INSYN2B: variants seen among roughly 807,000 people sequenced by gnomAD.
INSYN2B encodes the protein protein INSYN2B.
A neutral mutation model predicts 41.2 loss-of-function variants in INSYN2B; 16 were observed. The observed-to-expected ratio is 0.39, with a 90% confidence interval of 0.26 to 0.59. The LOEUF is 0.59. Among genes scored for constraint, INSYN2B ranks in the 20% least tolerant of loss-of-function variants. INSYN2B has a pLI of 0.57. For synonymous variants in INSYN2B, 245 were observed against 244.4 expected (o/e 1.00, Z -0.02); for missense variants, 608 against 646.4 (o/e 0.94, Z 0.64).
At chr5:169,934,866 AAAC>A (rs1775918000) in intron 1 of INSYN2B, 1 of 372,718 alleles carries the variant, frequency 2.7e-6, no homozygotes, top group South Asian at 2.0e-5. Flanking sequence ...TACATTGCCA[AAAC>A]AACTTTAACC....
chr5:169,906,551 T>C (rs261044), intron 1 of INSYN2B, among the ~76,000 whole-genome samples: 126,051 of 152,162 alleles, frequency 0.83, 52,484 homozygotes, highest in African/African-American at 0.91. Context: ...AGGCTGGTCT[T>C]AAGTTCCTGG....
chr5:169,959,111 G>T (rs963408274), intron 1 of INSYN2B, among the ~76,000 whole-genome samples: 17 of 152,118 alleles, frequency 1.1e-4, no homozygotes, highest in Non-Finnish European at 2.1e-4. Flanking sequence ...AGCACAAACT[G>T]GCTGGGCATG....
chr5:169,936,926 A>T (rs1776026735), intron 1 of INSYN2B, among the ~76,000 whole-genome samples: 1 of 152,178 alleles, frequency 6.6e-6, no homozygotes, highest in African/African-American at 2.4e-5. Context: ...CTTACAGAAA[A>T]ATCAAACAAA....
intron 1 of INSYN2B, among the ~76,000 whole-genome samples, chr5:169,956,433 A>C (rs1472919752): frequency 6.6e-6 from 1 of 152,212 alleles, no homozygotes; most frequent in African/African-American, 2.4e-5. Flanking sequence ...GTTGTATTAG[A>C]AAGATTACTG....
intron 1 of INSYN2B, among the ~76,000 whole-genome samples, chr5:169,930,960 C>T (rs1425111570): frequency 6.6e-6 from 1 of 152,212 alleles, no homozygotes; most frequent in Non-Finnish European, 1.5e-5. Context: ...GTCCCTTTTA[C>T]AAGGTGCTCC....
At chr5:169,943,079 C>A (rs563739577) in intron 1 of INSYN2B, among the ~76,000 whole-genome samples, 2 of 152,174 alleles carry the variant, frequency 1.3e-5, no homozygotes, top group East Asian at 3.9e-4. Flanking sequence ...GTCTTTGGAA[C>A]GCTCTGCAGC....
chr5:169,922,204 A>G (rs181288008), intron 1 of INSYN2B, among the ~76,000 whole-genome samples: 12 of 152,366 alleles, frequency 7.9e-5, no homozygotes, highest in Admixed American at 3.3e-4. Flanking sequence ...AAAAAATTAC[A>G]GTACAGTGTG....
chr5:169,961,416 C>CT (rs1777082109), intron 1 of INSYN2B, among the ~76,000 whole-genome samples: 1 of 152,228 alleles, frequency 6.6e-6, no homozygotes, highest in Admixed American at 6.5e-5. Context: ...CTAATCAACT[C>CT]TAACAACAGT....
At chr5:169,909,478 T>A (rs927117733) in intron 1 of INSYN2B, among the ~76,000 whole-genome samples, 1 of 152,226 alleles carries the variant, frequency 6.6e-6, no homozygotes, top group Non-Finnish European at 1.5e-5. Flanking sequence ...ATATTTGGTT[T>A]TGGATTCACA....
chr5:169,908,338 C>A (rs902574790), intron 1 of INSYN2B, among the ~76,000 whole-genome samples: 1 of 151,998 alleles, frequency 6.6e-6, no homozygotes, highest in Non-Finnish European at 1.5e-5. Context: ...GTGTTATTTG[C>A]AAATATAATT....
intron 1 of INSYN2B, among the ~76,000 whole-genome samples, chr5:169,918,067 A>G (rs1377658913): frequency 6.6e-6 from 1 of 152,162 alleles, no homozygotes; most frequent in African/African-American, 2.4e-5. Context: ...CTGATATTCT[A>G]CCCTTCCTAT....
chr5:169,894,663 C>T (rs1399792511), intron 1 of INSYN2B, among the ~76,000 whole-genome samples: 3 of 152,162 alleles, frequency 2.0e-5, no homozygotes, highest in South Asian at 2.1e-4. Context: ...TTAAAGAGCC[C>T]ACTCTTCATT....
intron 1 of INSYN2B, among the ~76,000 whole-genome samples, chr5:169,958,874 G>T (rs910050392): frequency 6.6e-6 from 1 of 152,054 alleles, no homozygotes; most frequent in Non-Finnish European, 1.5e-5. Context: ...GAGAGTGGGG[G>T]AAAAACCTAG....
chr5:169,931,060 C>T (rs530053083), intron 1 of INSYN2B, among the ~76,000 whole-genome samples: 12 of 152,260 alleles, frequency 7.9e-5, no homozygotes, highest in African/African-American at 2.6e-4. Context: ...TTGTTTTCCT[C>T]CAGGTAAAGA....
At chr5:169,962,793 G>A (rs1438592240) in intron 1 of INSYN2B, among the ~76,000 whole-genome samples, 1 of 152,220 alleles carries the variant, frequency 6.6e-6, no homozygotes, top group East Asian at 1.9e-4. Context: ...TGCTGAGATG[G>A]CAAGTGTCAA....
At chr5:169,921,806 G>T (rs978914) in intron 1 of INSYN2B, among the ~76,000 whole-genome samples, 1 of 152,070 alleles carries the variant, frequency 6.6e-6, no homozygotes, top group South Asian at 2.1e-4. Flanking sequence ...TTCTCCCAGA[G>T]CTCTTAATCG....
intron 3 of INSYN2B, among the ~76,000 whole-genome samples, chr5:169,877,524 A>G (rs191460038): frequency 2.6e-5 from 4 of 152,314 alleles, no homozygotes; most frequent in East Asian, 1.9e-4. Flanking sequence ...CTCTTGGTCA[A>G]TGGTGTTGAA....
chr5:169,902,177 G>A (rs886859952), intron 1 of INSYN2B, among the ~76,000 whole-genome samples: 18 of 152,172 alleles, frequency 1.2e-4, no homozygotes, highest in Admixed American at 1.2e-3. Context: ...GTCCAGGAGG[G>A]GAATAACCAG....
chr5:169,937,826 G>A (rs1561838113), intron 1 of INSYN2B, among the ~76,000 whole-genome samples: 1 of 152,276 alleles, frequency 6.6e-6, no homozygotes, highest in Admixed American at 6.5e-5. Flanking sequence ...TCATTCTATT[G>A]GTCACTGACA....
Sources: allele counts gnomAD v4.1 joint callset (sites outside exome capture counted in the v4.1 genomes callset), GRCh38; gene constraint gnomAD v4.1.1; transcripts MANE v1.5; gene names NCBI Gene and HGNC (gene_info 2026-07-23, HGNC 2026-07-21).